The following PPM1E variants were observed in gnomAD, a reference collection of about 807,000 sequenced individuals.
The protein encoded by PPM1E is protein phosphatase, Mg2+/Mn2+ dependent 1E, also known as protein phosphatase 1E.
A neutral mutation model predicts 65.9 loss-of-function variants in PPM1E; 20 were observed. That is an observed-to-expected ratio of 0.30 (90% confidence interval 0.21 to 0.44). The LOEUF (loss-of-function observed/expected upper bound fraction) is 0.44, where lower values mean the gene tolerates loss of function less well. PPM1E is among the 20% of genes least tolerant of loss of function. The pLI is 1.00. For synonymous variants in PPM1E, 352 were observed against 374.9 expected (o/e 0.94, Z 0.70); for missense variants, 713 against 953.1 (o/e 0.75, Z 3.32).
intron 1 of PPM1E, among the ~76,000 whole-genome samples, chr17:58,834,990 C>CT (rs1325540911): frequency 5.3e-5 from 8 of 152,264 alleles, no homozygotes; most frequent in African/African-American, 1.9e-4. Flanking sequence ...TGTCTTTACT[C>CT]TCTAAAGCCT....
chr17:58,911,712 A>G (rs1362111399), intron 1 of PPM1E, among the ~76,000 whole-genome samples: 2 of 152,226 alleles, frequency 1.3e-5, no homozygotes, highest in African/African-American at 4.8e-5. Flanking sequence ...TTGAATGCCT[A>G]CTGTATACTA....
chr17:58,851,147 T>C (rs1305409084), intron 1 of PPM1E, among the ~76,000 whole-genome samples: 2 of 152,188 alleles, frequency 1.3e-5, no homozygotes, highest in Non-Finnish European at 2.9e-5. Flanking sequence ...AGGGCTTCTC[T>C]ACAATGTTTA....
chr17:58,765,871 T>G (rs1214165528), intron 1 of PPM1E, among the ~76,000 whole-genome samples: 1 of 150,000 alleles, frequency 6.7e-6, no homozygotes, highest in Non-Finnish European at 1.5e-5. Context: ...AATATTTTTG[T>G]AGTTTCTTTT....
chr17:58,776,181 G>A (rs532233780), intron 1 of PPM1E, among the ~76,000 whole-genome samples: 16 of 152,044 alleles, frequency 1.1e-4, no homozygotes, highest in Admixed American at 2.6e-4. Context: ...TTAAAAATTA[G>A]CCAGACATGC....
intron 1 of PPM1E, among the ~76,000 whole-genome samples, chr17:58,935,592 G>A (rs935218557): frequency 6.6e-6 from 1 of 152,146 alleles, no homozygotes; most frequent in African/African-American, 2.4e-5. Context: ...TTCTCGTCAT[G>A]GAGAAAGGAT....
chr17:58,976,696 G>A (rs902805334), intron 6 of PPM1E, among the ~76,000 whole-genome samples: 1 of 152,088 alleles, frequency 6.6e-6, no homozygotes, highest in African/African-American at 2.4e-5. Context: ...CCAAATTTGG[G>A]GGCGAAATGT....
In PPM1E at chr17:58,984,049, G is replaced by C. The variant is rs895217012; in HGVS notation, c.*3018G>C. On this transcript the variant is annotated 3_prime_UTR_variant, in exon 7 of 7. Coordinates refer to ENST00000308249, the MANE Select transcript of PPM1E (RefSeq NM_014906.5). Reference sequence around the variant, plus strand: ...CACTGGGGCTATTAATCCCATTTAGGTCTGTACTAAAGAGGATGGGTAGAA... The same window carrying C: ...CACTGGGGCTATTAATCCCATTTAGCTCTGTACTAAAGAGGATGGGTAGAA... 6.6e-6 allele frequency: 1 copy of C among 152,566 alleles called. No individual in the cohort carries two copies. The highest frequency in any genetic ancestry group is 6.5e-5 in the Admixed American group (1 of 15,272). The allele number at this position is 152,566 out of a possible 1,614,324, so 9.5% of individuals were successfully genotyped here. A position where few individuals can be genotyped will look rare whatever the true frequency, so the allele number is the denominator to read the frequency against.
At chr17:58,785,458 T>TTG (rs1428055897) in intron 1 of PPM1E, 1 of 88,990 alleles carries the variant, frequency 1.1e-5, no homozygotes, top group Non-Finnish European at 2.0e-5. Flanking sequence ...CCTGGCTAAT[T>TTG]TATATATATA....
intron 1 of PPM1E, among the ~76,000 whole-genome samples, chr17:58,869,348 C>T (rs148945238): frequency 1.3e-5 from 2 of 152,162 alleles, no homozygotes; most frequent in Admixed American, 6.5e-5. Context: ...TGATCCCCAG[C>T]GTTGGAGGGA....
Position 58,756,148 on chromosome 17 carries a change from C to T in PPM1E, c.151C>T (p.Pro51Ser). The T allele has an allele frequency of 1.9e-6, 3 of 1,598,230 alleles. No individual in the cohort carries two copies. The highest frequency in any genetic ancestry group is 2.6e-6 in the Non-Finnish European group (3 of 1,172,550). ...ACCCGAGTCCGAGCCCGAGCCCGAA[C>T]CTGAACTGGTAGAAGCTGAGGCGGC... ...PEPESEPEPEPELVEAEAAEA... is the reference protein window; with the variant it reads ...PEPESEPEPESELVEAEAAEA... Residue 51 changes from proline to serine, a missense_variant, in exon 1 of 7, where the codon CCT becomes TCT. Coordinates refer to ENST00000308249, the MANE Select transcript of PPM1E (RefSeq NM_014906.5).
intron 1 of PPM1E, among the ~76,000 whole-genome samples, chr17:58,947,339 C>T (rs150110770): frequency 6.1e-5 from 9 of 147,234 alleles, no homozygotes; most frequent in African/African-American, 1.5e-4. Flanking sequence ...TGGGTTCAGG[C>T]GATTCTCATG....
chr17:58,903,948 C>T (rs944416344), intron 1 of PPM1E, among the ~76,000 whole-genome samples: 11 of 151,956 alleles, frequency 7.2e-5, no homozygotes, highest in African/African-American at 1.9e-4. Context: ...AGCAAAGTAA[C>T]GCAGATCTAT....
intron 1 of PPM1E, among the ~76,000 whole-genome samples, chr17:58,919,086 G>A (rs2051719495): frequency 6.6e-6 from 1 of 152,128 alleles, no homozygotes; most frequent in Non-Finnish European, 1.5e-5. Context: ...AATTTTCCCA[G>A]TGGTTTGATT....
chr17:58,911,140 G>T (rs945452673), intron 1 of PPM1E, among the ~76,000 whole-genome samples: 5 of 152,130 alleles, frequency 3.3e-5, no homozygotes, highest in African/African-American at 1.2e-4. Flanking sequence ...GGTGTCTGAT[G>T]GGTATGTTTT....
At chr17:58,966,260 A>G (rs1462601678) in intron 3 of PPM1E, 1 of 369,710 alleles carries the variant, frequency 2.7e-6, no homozygotes, top group Non-Finnish European at 5.1e-6. Flanking sequence ...CACGCCTGTA[A>G]TCCTAGCACT....
At chr17:58,974,554 T>C (rs1405935718) in intron 6 of PPM1E, among the ~76,000 whole-genome samples, 1 of 152,200 alleles carries the variant, frequency 6.6e-6, no homozygotes, top group Non-Finnish European at 1.5e-5. Context: ...GGGTTTATTA[T>C]TTTAGGCTTC....
chr17:58,926,172 C>G (rs893558817), intron 1 of PPM1E, among the ~76,000 whole-genome samples: 2 of 152,038 alleles, frequency 1.3e-5, no homozygotes, highest in Middle Eastern at 3.4e-3. Flanking sequence ...GAAACCCTGT[C>G]TCTACTAAAA....
intron 1 of PPM1E, among the ~76,000 whole-genome samples, chr17:58,954,051 C>G (rs1158674467): frequency 6.6e-6 from 1 of 152,078 alleles, no homozygotes; most frequent in African/African-American, 2.4e-5. Flanking sequence ...GCCAATATTT[C>G]CATCTTAACA....
At chr17:58,776,729 T>A (rs958949088) in intron 1 of PPM1E, among the ~76,000 whole-genome samples, 1 of 152,212 alleles carries the variant, frequency 6.6e-6, no homozygotes, top group Non-Finnish European at 1.5e-5. Context: ...TGTTTTAATA[T>A]GTAAATTATG....
Sources: gnomAD v4.1 joint callset for allele counts (sites outside exome capture counted in the v4.1 genomes callset) on GRCh38, gnomAD v4.1.1 for gene constraint, MANE v1.5 for transcripts, NCBI Gene and HGNC (gene_info 2026-07-23, HGNC 2026-07-21) for gene names.